PHACTR3: variants seen among roughly 807,000 people sequenced by gnomAD.
PHACTR3 encodes the protein phosphatase and actin regulator 3.
PHACTR3 carries 16 observed loss-of-function variants against 66.8 expected under a neutral mutation model. That is an observed-to-expected ratio of 0.24 (90% CI 0.16 to 0.36). The LOEUF (loss-of-function observed/expected upper bound fraction) is 0.36. PHACTR3 is among the 10% of genes least tolerant of loss of function. The probability of loss-of-function intolerance (pLI) is 1.00; values close to 1 mark genes in which losing one functional copy is unlikely to be tolerated. For missense variants in PHACTR3, 647 were observed against 719.9 expected, an observed-to-expected ratio of 0.90 and a Z score of 1.16; for synonymous variants, 323 against 292.1, an observed-to-expected ratio of 1.11 and a Z score of -1.08.
At chr20:59,789,418 G>A (rs1391273973) in intron 7 of PHACTR3, among the ~76,000 whole-genome samples, 4 of 152,216 alleles carry the variant, frequency 2.6e-5, no homozygotes, top group Non-Finnish European at 4.4e-5. Flanking sequence ...AGGTCAGGGG[G>A]TGCTAGGAGA....
At chr20:59,676,745 G>T in intron 1 of PHACTR3, 1 of 984,982 alleles carries the variant, frequency 1.0e-6, no homozygotes, top group Non-Finnish European at 1.2e-6. Context: ...CTTCATCCAG[G>T]ATCCCTCTGT....
At chr20:59,581,140 G>A (rs1174005240) in intron 1 of PHACTR3, among the ~76,000 whole-genome samples, 2 of 152,220 alleles carry the variant, frequency 1.3e-5, no homozygotes, top group South Asian at 2.1e-4. Flanking sequence ...GGTCACAAAC[G>A]CCAGCATGGC....
intron 1 of PHACTR3, among the ~76,000 whole-genome samples, chr20:59,598,095 C>T (rs553750203): frequency 6.6e-6 from 1 of 152,282 alleles, no homozygotes; most frequent in South Asian, 2.1e-4. Flanking sequence ...TGGCCCATGA[C>T]ACAAGAGTGC....
At position 59,578,773 on chromosome 20, in the gene PHACTR3, TG is replaced by T. The variant is rs1190707546; in HGVS notation, c.109+1160del. Reference sequence around the variant, plus strand: ...GTCACAAAGTCAAGAAAGGAGGACATGGGGATTTGGGGGACACTTGAGAGCC... The same window carrying T: ...GTCACAAAGTCAAGAAAGGAGGACATGGGATTTGGGGGACACTTGAGAGCC... On this transcript the variant is annotated intron_variant, in intron 1 of 12. Coordinates refer to the PHACTR3 transcript ENST00000359926. Among the ~76,000 whole-genome samples the T allele has an allele frequency of 2.0e-5, 3 of 152,242 alleles. No individual in the cohort carries two copies. In the East Asian group the frequency reaches 5.8e-4, roughly 29 times the overall value.
At chr20:59,744,461 C>T (rs1398682345) in intron 2 of PHACTR3, among the ~76,000 whole-genome samples, 1 of 152,216 alleles carries the variant, frequency 6.6e-6, no homozygotes, top group African/African-American at 2.4e-5. Context: ...GCCTCAGGAA[C>T]CAGCCCTGGC....
intron 1 of PHACTR3, among the ~76,000 whole-genome samples, chr20:59,696,520 C>T (rs11700117): frequency 0.034 from 5,138 of 152,134 alleles, 120 homozygotes; most frequent in Middle Eastern, 0.075. Context: ...GGCTGTGCTT[C>T]GGGACATGGG....
chr20:59,634,784 G>T (rs1277964051), intron 1 of PHACTR3, among the ~76,000 whole-genome samples: 2 of 152,222 alleles, frequency 1.3e-5, no homozygotes, highest in African/African-American at 4.8e-5. Flanking sequence ...GCGCCATGCC[G>T]CCCGGGATTG....
At chr20:59,746,636 G>C (rs921669528) in intron 2 of PHACTR3, among the ~76,000 whole-genome samples, 1 of 152,224 alleles carries the variant, frequency 6.6e-6, no homozygotes, top group African/African-American at 2.4e-5. Context: ...CATTGCCAGT[G>C]CCTGTTTGTC....
At position 59,622,981 on chromosome 20, in the gene PHACTR3, C is replaced by CAAAAAAA. The variant is rs71183177; in HGVS notation, c.118+17863_118+17869dup. 3.3e-3 allele frequency among the ~76,000 whole-genome samples: 107 copies of CAAAAAAA among 32,196 alleles called. 15 individuals are homozygous for CAAAAAAA. Among genetic ancestry groups the CAAAAAAA allele is most frequent in the African/African-American group, 8.0e-3 (58 of 7,240 alleles). 21.1% of individuals were successfully genotyped at this position (32,196 alleles called of 152,430 possible). ...ATTCTAATTTTACAGCAGCTTTAAC[C>CAAAAAAA]AAAAAAAAAAAAAAAAAAAACCCAA... On this transcript the variant is annotated intron_variant, in intron 1 of 12. Coordinates refer to ENST00000371015, the MANE Select transcript of PHACTR3 (RefSeq NM_080672.5).
chr20:59,701,460 C>A (rs2146611730), intron 1 of PHACTR3, among the ~76,000 whole-genome samples: 1 of 152,056 alleles, frequency 6.6e-6, no homozygotes, highest in East Asian at 1.9e-4. Context: ...TCTCTGGGGA[C>A]ACTAGTTACT....
chr20:59,762,883 T>G (rs2040041342), intron 4 of PHACTR3, among the ~76,000 whole-genome samples: 1 of 152,164 alleles, frequency 6.6e-6, no homozygotes, highest in Admixed American at 6.5e-5. Flanking sequence ...TCGTGAGACT[T>G]GCCTGTGAAT....
chr20:59,750,859 A>G lies in PHACTR3; in HGVS notation c.358+3024A>G, dbSNP rs138781172. The stretch of plus-strand genomic sequence containing the variant: ...GTAATCAACGTGCTGTAATAACGGG[A>G]TCCACGCAGATGCTTGGCCACAGGC... On this transcript the variant is annotated intron_variant, in intron 3 of 12. Transcript: ENST00000371015. Among the ~76,000 whole-genome samples the G allele has an allele frequency of 3.6e-3, 542 of 152,286 alleles. 1 individual carries two copies. The highest frequency in any genetic ancestry group is 0.012 in the African/African-American group (502 of 41,548).
chr20:59,622,158 T>TG (rs2034266336), intron 1 of PHACTR3, among the ~76,000 whole-genome samples: 1 of 152,030 alleles, frequency 6.6e-6, no homozygotes, highest in South Asian at 2.1e-4. Context: ...TTTTTTTTTT[T>TG]TGTGACATAA....
At chr20:59,706,585 C>T (rs1350386430) in intron 1 of PHACTR3, among the ~76,000 whole-genome samples, 1 of 152,218 alleles carries the variant, frequency 6.6e-6, no homozygotes, top group African/African-American at 2.4e-5. Flanking sequence ...GCCTGGATCA[C>T]ATTAGTGTTC....
At chr20:59,615,737 A>G (rs545207373) in intron 1 of PHACTR3, among the ~76,000 whole-genome samples, 1 of 152,162 alleles carries the variant, frequency 6.6e-6, no homozygotes, top group African/African-American at 2.4e-5. Flanking sequence ...GTGAAGATAC[A>G]TGGGACCTCT....
intron 7 of PHACTR3, among the ~76,000 whole-genome samples, chr20:59,774,957 C>T (rs1324113249): frequency 6.6e-6 from 1 of 152,032 alleles, no homozygotes; most frequent in African/African-American, 2.4e-5. Context: ...AGAGAGATTG[C>T]TCTATTGATC....
chr20:59,756,517 C>G (rs2039799678), intron 4 of PHACTR3, among the ~76,000 whole-genome samples: 1 of 152,186 alleles, frequency 6.6e-6, no homozygotes, highest in Non-Finnish European at 1.5e-5. Context: ...ATGCTCAGCC[C>G]TCTTCGGGGG....
intron 1 of PHACTR3, among the ~76,000 whole-genome samples, chr20:59,682,918 G>A (rs1003243189): frequency 2.0e-5 from 3 of 152,146 alleles, no homozygotes; most frequent in Non-Finnish European, 4.4e-5. Context: ...TGAGTGTGAC[G>A]GGTCGGGGGG....
intron 7 of PHACTR3, among the ~76,000 whole-genome samples, chr20:59,779,201 T>A (rs1208743775): frequency 4.6e-5 from 7 of 152,174 alleles, no homozygotes; most frequent in Admixed American, 4.6e-4. Context: ...GAGTCTAGGG[T>A]CCCTGAAGCC....
Sources: gnomAD v4.1 joint callset for allele counts (sites outside exome capture counted in the v4.1 genomes callset) on GRCh38, gnomAD v4.1.1 for gene constraint, MANE v1.5 for transcripts, NCBI Gene and HGNC (gene_info 2026-07-23, HGNC 2026-07-21) for gene names.